UPRT: variants seen among roughly 807,000 people sequenced by gnomAD.
The protein encoded by UPRT is RP11-311P8.3.
In UPRT, 5 loss-of-function variants were observed where a neutral mutation model predicts 22.6. The observed-to-expected ratio is 0.22, with a 90% CI of 0.12 to 0.47. The LOEUF (loss-of-function observed/expected upper bound fraction) is 0.47, where lower values mean the gene tolerates loss of function less well. Among genes scored for constraint, UPRT ranks in the 20% least tolerant of loss-of-function variants. UPRT has a pLI of 0.99. For synonymous variants in UPRT, 77 were observed against 87.7 expected (o/e 0.88, Z 0.68); for missense variants, 181 against 239.9 (o/e 0.75, Z 1.62).
intron 4 of UPRT, among the ~76,000 whole-genome samples, chrX:75,195,598 C>T (rs971561960): frequency 8.9e-6 from 1 of 112,074 alleles, no homozygotes; most frequent in Non-Finnish European, 1.9e-5. Context: ...CGTGGGGTCT[C>T]CTGCTGCCAG....
rs773837723 is a variant in UPRT, at chrX:75,226,330, C to T, written c.-447+58451C>T. Among the ~76,000 whole-genome samples the T allele has an allele frequency of 1.2e-4, 13 of 111,611 alleles. No individual in the cohort carries two copies. In the Admixed American group the frequency reaches 1.2e-3, roughly 11 times the overall value. On this transcript the variant is annotated intron_variant, in intron 4 of 13. Transcript: ENST00000652605. ...GTCTACCCTTCTATCTCCTAACATG[C>T]CAGAGTGATTCTGTTAAAACCTAAA...
At chrX:75,230,456 T>A (rs2082434918) in intron 4 of UPRT, among the ~76,000 whole-genome samples, 2 of 111,882 alleles carry the variant, frequency 1.8e-5, no homozygotes, top group South Asian at 7.5e-4. Flanking sequence ...CTACTGCAGC[T>A]GGTGCCCTCT....
chrX:75,266,629 A>C (rs2082589409), intron 4 of UPRT, among the ~76,000 whole-genome samples: 1 of 111,748 alleles, frequency 8.9e-6, no homozygotes, highest in African/African-American at 3.3e-5. Flanking sequence ...ACAGCAAAAG[A>C]AACTACCATC....
At chrX:75,158,012 C>T (rs1569255454) in intron 1 of UPRT, among the ~76,000 whole-genome samples, 1 of 112,385 alleles carries the variant, frequency 8.9e-6, no homozygotes. Flanking sequence ...TCTTACCACC[C>T]AGTTGTAAAG....
intron 4 of UPRT, among the ~76,000 whole-genome samples, chrX:75,244,865 G>C (rs2082499253): frequency 9.0e-6 from 1 of 111,001 alleles, no homozygotes; most frequent in Non-Finnish European, 1.9e-5. Flanking sequence ...ATAGGACCTG[G>C]CAAATATTTC....
At chrX:75,298,040 G>A (rs944134294) in intron 4 of UPRT, among the ~76,000 whole-genome samples, 4 of 106,755 alleles carry the variant, frequency 3.7e-5, no homozygotes, top group East Asian at 2.9e-4. Context: ...GTATGGTGGC[G>A]TGATCATAGC....
intron 4 of UPRT, among the ~76,000 whole-genome samples, chrX:75,264,894 G>A (rs190395530): frequency 4.0e-4 from 45 of 111,504 alleles, no homozygotes; most frequent in Admixed American, 3.2e-3. Context: ...AAAATCTCTC[G>A]GCATTTGCCT....
chrX:75,259,145 T>G (rs1273441975), intron 4 of UPRT, among the ~76,000 whole-genome samples: 1 of 110,581 alleles, frequency 9.0e-6, no homozygotes, highest in Non-Finnish European at 1.9e-5. Context: ...CAAAAAGAGA[T>G]AAATCCATGA....
Position 75,257,426 on chromosome X carries a change from A to G in UPRT, c.-446-33598A>G, listed in dbSNP as rs192324140. Reference sequence around the variant, plus strand: ...CAGCCAACATAATATTGAATGGGGAAAAGTTGAAAACATTCTCTCTGAGAA... The same window carrying G: ...CAGCCAACATAATATTGAATGGGGAGAAGTTGAAAACATTCTCTCTGAGAA... On this transcript the variant is annotated intron_variant, in intron 4 of 13. Coordinates refer to the UPRT transcript ENST00000652605. Among the ~76,000 whole-genome samples, 450 of 111,759 alleles carry G rather than the reference A, an allele frequency of 4.0e-3. 3 individuals are homozygous for G. Among genetic ancestry groups the G allele is most frequent in the Non-Finnish European group, 5.2e-3 (275 of 53,173 alleles).
chrX:75,254,863 C>A (rs1003174448), intron 4 of UPRT, among the ~76,000 whole-genome samples: 1 of 105,399 alleles, frequency 9.5e-6, no homozygotes, highest in Non-Finnish European at 1.9e-5. Context: ...GCAAGCTCCG[C>A]TTCCCGGGTT....
chrX:75,210,732 A>G (rs1179872963), intron 4 of UPRT, among the ~76,000 whole-genome samples: 1 of 110,023 alleles, frequency 9.1e-6, no homozygotes, highest in Non-Finnish European at 1.9e-5. Context: ...TGTCCAAAGG[A>G]GGAGGCATTT....
At chrX:75,298,410 GTCCAACTGATTACCC>G (rs1781165259) in intron 4 of UPRT, among the ~76,000 whole-genome samples, 1 of 111,573 alleles carries the variant, frequency 9.0e-6, no homozygotes, top group African/African-American at 3.3e-5. Flanking sequence ...TTGTGTTTGA[GTCCAACTGATTACCC>G]TTCTAAACCA....
At chrX:75,180,653 C>G (rs1195847985) in intron 4 of UPRT, among the ~76,000 whole-genome samples, 1 of 102,313 alleles carries the variant, frequency 9.8e-6, no homozygotes, top group African/African-American at 3.6e-5. Context: ...AGTCCTGCTT[C>G]CTGTCTTCCA....
chrX:75,233,841 G>A (rs1194619107), intron 4 of UPRT, among the ~76,000 whole-genome samples: 4 of 110,691 alleles, frequency 3.6e-5, no homozygotes, highest in East Asian at 2.8e-4. Flanking sequence ...ATGCCAAAAT[G>A]TAAAGACCAT....
rs112808863 is a variant in UPRT at position 75,246,062 on chromosome X, A to G, written c.-446-44962A>G. Among the ~76,000 whole-genome samples, 925 of 111,385 alleles carry G rather than the reference A, an allele frequency of 8.3e-3. 18 individuals carry two copies. Among genetic ancestry groups the G allele is most frequent in the African/African-American group, 0.028 (873 of 30,737 alleles). On this transcript the variant is annotated intron_variant, in intron 4 of 13. Transcript: ENST00000652605. The stretch of plus-strand genomic sequence containing the variant: ...AAATTTAAGTTTCAAATACTAAATG[A>G]ATCTCATTTTATATTTTAAATTAAT...
intron 4 of UPRT, among the ~76,000 whole-genome samples, chrX:75,232,834 G>A (rs1180139516): frequency 9.0e-6 from 1 of 111,545 alleles, no homozygotes; most frequent in East Asian, 2.8e-4. Context: ...CAAAGATGGG[G>A]AAAAAACAGA....
chrX:75,230,795 C>T (rs2082435912), intron 4 of UPRT, among the ~76,000 whole-genome samples: 1 of 111,586 alleles, frequency 9.0e-6, no homozygotes, highest in African/African-American at 3.3e-5. Context: ...AGACATACCC[C>T]ATCACCAGCC....
intron 4 of UPRT, among the ~76,000 whole-genome samples, chrX:75,241,341 T>A (rs897207911): frequency 1.8e-5 from 2 of 111,831 alleles, no homozygotes; most frequent in Admixed American, 1.9e-4. Flanking sequence ...ACATCACTAA[T>A]GATCAGGGAA....
At chrX:75,193,536 C>A (rs181151800) in intron 4 of UPRT, among the ~76,000 whole-genome samples, 1 of 111,952 alleles carries the variant, frequency 8.9e-6, no homozygotes, top group Non-Finnish European at 1.9e-5. Flanking sequence ...TGGATGATAT[C>A]CTAAAATATG....
Sources: gnomAD v4.1 joint callset for allele counts (sites outside exome capture counted in the v4.1 genomes callset) on GRCh38, gnomAD v4.1.1 for gene constraint, MANE v1.5 for transcripts, NCBI Gene and HGNC (gene_info 2026-07-23, HGNC 2026-07-21) for gene names.